HSPA8: variants seen among roughly 807,000 people sequenced by gnomAD.
The protein encoded by HSPA8 is heat shock cognate 71 kDa protein.
In HSPA8, 2 loss-of-function variants were observed where a neutral mutation model predicts 52.8. That is an observed-to-expected ratio of 0.04 (90% CI 0.02 to 0.12). HSPA8 has a LOEUF of 0.12. Among genes scored for constraint, HSPA8 ranks in the 10% least tolerant of loss-of-function variants. The pLI, the probability that HSPA8 is intolerant of heterozygous loss-of-function variation, is 1.00. For synonymous variants in HSPA8, 436 were observed against 274.0 expected (o/e 1.59, Z -5.84); for missense variants, 349 against 800.5 (o/e 0.44, Z 6.81).
chr11:123,058,047 T>C, intron 8 of HSPA8, 128 bp from the exon 9 acceptor site: 1 of 771,316 alleles, frequency 1.3e-6, no homozygotes, highest in Admixed American at 2.8e-5. Flanking sequence ...AACATTAAAA[T>C]AGGGCCTTAT....
intron 2 of HSPA8, 138 bp from the exon 3 acceptor site, chr11:123,060,936 C>G: frequency 1.1e-6 from 1 of 894,602 alleles, no homozygotes; most frequent in Non-Finnish European, 1.7e-6. Context: ...GTTCAAACTT[C>G]AACCTCCTAC....
chr11:123,057,806 C>T lies in HSPA8; in HGVS notation c.1869G>A (p.Gly623=). 1 of 1,613,762 alleles carries T rather than the reference C, an allele frequency of 6.2e-7. No individual in the cohort carries two copies. The highest frequency in any genetic ancestry group is 8.5e-7 in the Non-Finnish European group (1 of 1,179,738). Residue 623 remains glycine, a synonymous_variant, in exon 9 of 9, where the codon GGG becomes GGA. Transcript: ENST00000534624. The part of the protein sequence containing the change: ...SAGGMPGGMP[G]GFPGGGAPPS... ...GAGGAGCTCCACCACCAGGAAATCC[C>T]CCAGGCATTCCTCCTGGCATGCCTC...
Position 123,058,827 on chromosome 11 carries a change from A to G in HSPA8, c.1327T>C (p.Tyr443His). The change falls in exon 7 of 9, where the codon TAT becomes CAT. Residue 443 changes from tyrosine to histidine, a missense_variant. By Grantham distance (83) the Tyr-to-His change is moderately conservative. Coordinates refer to ENST00000534624, the MANE Select transcript of HSPA8 (RefSeq NM_006597.6). ...DNQPGVLIQV[Y>H]EGERAMTKDN... Reference sequence around the variant, plus strand: ...TTTGTCATGGCACGCTCGCCTTCATAAACCTTGGTAGGAAATAAAACAAAT... The same window carrying G: ...TTTGTCATGGCACGCTCGCCTTCATGAACCTTGGTAGGAAATAAAACAAAT... The G allele has an allele frequency of 6.2e-7, 1 of 1,614,066 alleles. No individual in the cohort carries two copies. Among genetic ancestry groups the G allele is most frequent in the Non-Finnish European group, 8.5e-7 (1 of 1,179,952 alleles).
intron 2 of HSPA8, 59 bp from the exon 3 acceptor site, chr11:123,060,857 A>C (rs1865475888): frequency 1.2e-5 from 17 of 1,459,378 alleles, no homozygotes; most frequent in Non-Finnish European, 1.5e-5. Context: ...ATAAAACTCA[A>C]GTCCATGATT....
rs1865395714 is a variant in HSPA8 at position 123,058,801 on chromosome 11, C to T, written c.1353G>A (p.Lys451=). Residue 451 remains lysine, a synonymous_variant, in exon 7 of 9, where the codon AAG becomes AAA. Transcript: ENST00000534624. The part of the protein sequence containing the change: ...QVYEGERAMT[K]DNNLLGKFEL... ...CAAACTTGCCAAGCAGGTTGTTATCCTTTGTCATGGCACGCTCGCCTTCAT... is the reference window on the plus strand; with the variant it reads ...CAAACTTGCCAAGCAGGTTGTTATCTTTTGTCATGGCACGCTCGCCTTCAT... 6.2e-7 allele frequency: 1 copy of T among 1,614,162 alleles called. No individual in the cohort carries two copies. Among genetic ancestry groups the T allele is most frequent in the Middle Eastern group, 1.6e-4 (1 of 6,062 alleles).
At position 123,057,628 on chromosome 11, in the gene HSPA8, A is replaced by G; in HGVS notation, c.*106T>C. On this transcript the variant is annotated 3_prime_UTR_variant, in exon 9 of 9. Coordinates refer to ENST00000534624, the MANE Select transcript of HSPA8 (RefSeq NM_006597.6). Reference sequence around the variant, plus strand: ...AAGTATTGAGAATGCCCAGTAACTTACTATAGCAGCTTAACTTTTTAAAAC... The same window carrying G: ...AAGTATTGAGAATGCCCAGTAACTTGCTATAGCAGCTTAACTTTTTAAAAC... 6.2e-6 allele frequency: 5 copies of G among 806,990 alleles called. No individual in the cohort carries two copies. The highest frequency in any genetic ancestry group is 1.8e-5 in the South Asian group (1 of 56,616). The allele number at this position is 806,990 out of a possible 1,614,324, so 50.0% of individuals were successfully genotyped here.
chr11:123,059,365 T>C, intron 5 of HSPA8, 104 bp from the exon 6 acceptor site: 1 of 1,374,484 alleles, frequency 7.3e-7, no homozygotes, highest in Non-Finnish European at 1.0e-6. Flanking sequence ...GGTGTTGCCA[T>C]CATTAGCCAA....
Position 123,057,668 on chromosome 11 carries a change from C to G in HSPA8, c.*66G>C. 1 of 1,333,278 alleles carries G rather than the reference C, an allele frequency of 7.5e-7. No individual in the cohort carries two copies. The highest frequency in any genetic ancestry group is 1.0e-6 in the Non-Finnish European group (1 of 972,496). 82.6% of individuals were successfully genotyped at this position (1,333,278 alleles called of 1,614,324 possible). A position where few individuals can be genotyped will look rare whatever the true frequency, so the allele number is the denominator to read the frequency against. The stretch of plus-strand genomic sequence containing the variant: ...CTTTTTAAAACTGCCACAGAATTTG[C>G]TACGAATTTAGGTCCTTCAAATGTT... On this transcript the variant is annotated 3_prime_UTR_variant, in exon 9 of 9. Coordinates refer to ENST00000534624, the MANE Select transcript of HSPA8 (RefSeq NM_006597.6).
At chr11:123,060,554 T>A in intron 3 of HSPA8, 39 bp downstream of exon 3, 2 of 1,472,732 alleles carry the variant, frequency 1.4e-6, no homozygotes, top group South Asian at 1.1e-5. Flanking sequence ...GGCTTTTAAC[T>A]ACTCCGGAAT....
chr11:123,058,970 G>C, intron 6 of HSPA8, 89 bp downstream of exon 6: 1 of 1,417,022 alleles, frequency 7.1e-7, no homozygotes, highest in Non-Finnish European at 9.9e-7. Flanking sequence ...AACTACGAAT[G>C]GTTTTGGAAT....
intron 3 of HSPA8, 116 bp from the exon 4 acceptor site, chr11:123,060,384 G>A (rs948906461): frequency 1.9e-6 from 2 of 1,047,272 alleles, no homozygotes; most frequent in African/African-American, 1.6e-5. Flanking sequence ...CCACCAAAAT[G>A]TAAATTACTG....
At chr11:123,058,983 A>G (rs1865405992) in intron 6 of HSPA8, 76 bp downstream of exon 6, 1 of 1,455,092 alleles carries the variant, frequency 6.9e-7, no homozygotes, top group South Asian at 1.2e-5. Flanking sequence ...TTTGGAATCC[A>G]TCATCATAGC....
In HSPA8 at chr11:123,060,280, GAA is replaced by G; in HGVS notation, c.412-14_412-13del. 1 of 1,611,630 alleles carries G rather than the reference GAA, an allele frequency of 6.2e-7. No individual in the cohort carries two copies. Among genetic ancestry groups the G allele is most frequent in the Non-Finnish European group, 8.5e-7 (1 of 1,179,196 alleles). On this transcript the variant is annotated splice_polypyrimidine_tract_variant and intron_variant, in intron 3 of 8. Coordinates refer to ENST00000534624, the MANE Select transcript of HSPA8 (RefSeq NM_006597.6). ...GCATTGGTAACAGTCTAGGAATAAG[GAA>G]AAGACCACAGATTGGTAACTATTAT...
chr11:123,060,641 A>T lies in HSPA8; in HGVS notation c.363T>A (p.Ser121=), dbSNP rs1437916229. ...TTTCCTTCATCTTTGTCAGAACCAT[A>T]GAAGACACCTCCTCTGGATAGAAGC... The part of the protein sequence containing the change: ...TKSFYPEEVS[S]MVLTKMKEIA... Residue 121 remains serine, a synonymous_variant, in exon 3 of 9, where the codon TCT becomes TCA. Transcript: ENST00000534624. 1.9e-6 allele frequency: 3 copies of T among 1,613,868 alleles called. No homozygotes were observed. The East Asian group carries it at 6.7e-5, about 36-fold the overall frequency.
At position 123,057,711 on chromosome 11, in the gene HSPA8, T is replaced by G. The variant is rs1293108282; in HGVS notation, c.*23A>C. 20 of 1,578,398 alleles carry G rather than the reference T, an allele frequency of 1.3e-5. No individual in the cohort carries two copies. The highest frequency in any genetic ancestry group is 1.6e-5 in the Non-Finnish European group (19 of 1,162,870). On this transcript the variant is annotated 3_prime_UTR_variant, in exon 9 of 9. Transcript: ENST00000534624. ...CAAATGTTTTAAATGTGTGGAACAA[T>G]GCTACATCTACACTTGGTTGGCTTA...
Position 123,058,244 on chromosome 11 carries a change from A to C in HSPA8, c.1755+8T>G, listed in dbSNP as rs879042951. On this transcript the variant is annotated splice_region_variant and intron_variant, in intron 8 of 8. Transcript: ENST00000534624. ...GGGGGAGGAAAAAAAAAAAAAAAAA[A>C]CACAAACCTGATTCTTATCAAGCCA... The C allele has an allele frequency of 2.3e-4, 343 of 1,512,174 alleles. No homozygotes were observed. In the East Asian group the frequency reaches 3.3e-3, roughly 14 times the overall value. The allele number at this position is 1,512,174 out of a possible 1,614,324, so 93.7% of individuals were successfully genotyped here.
At chr11:123,058,027 G>T in intron 8 of HSPA8, 108 bp from the exon 9 acceptor site, 1 of 872,434 alleles carries the variant, frequency 1.1e-6, no homozygotes, top group South Asian at 1.7e-5. Context: ...CTTACAAGAG[G>T]GCCACTACCA....
intron 5 of HSPA8, 74 bp from the exon 6 acceptor site, chr11:123,059,335 T>C: frequency 2.1e-6 from 3 of 1,415,124 alleles, no homozygotes; most frequent in Non-Finnish European, 9.9e-7. Flanking sequence ...TAACTATCAC[T>C]CGCTCAGACA....
Position 123,059,092 on chromosome 11 carries a change from G to C in HSPA8, c.1290C>G (p.Thr430=), listed in dbSNP as rs760433396. ...IPTKQTQTFT[T]YSDNQPGVLI... ...GCACACCAGGCTGGTTGTCAGAATA[G>C]GTAGTGAAGGTCTGTGTCTGCTTGG... Residue 430 remains threonine (T), a synonymous_variant, in exon 6 of 9, where the codon ACC becomes ACG. Coordinates refer to ENST00000534624, the MANE Select transcript of HSPA8 (RefSeq NM_006597.6). 1 of 1,612,514 alleles carries C rather than the reference G, an allele frequency of 6.2e-7. No homozygotes were observed. Among genetic ancestry groups the C allele is most frequent in the Non-Finnish European group, 8.5e-7 (1 of 1,179,974 alleles).
Sources: gnomAD v4.1 joint callset for allele counts on GRCh38, gnomAD v4.1.1 for gene constraint, MANE v1.5 for transcripts, NCBI Gene and HGNC (gene_info 2026-07-23, HGNC 2026-07-21) for gene names.